The following SCIN variants were observed in gnomAD, a reference collection of about 807,000 sequenced individuals.
The protein encoded by SCIN is scinderin.
In SCIN, 91 loss-of-function variants were observed where a neutral mutation model predicts 91.8. The observed-to-expected ratio is 0.99, with a 90% CI of 0.84 to 1.18. The LOEUF is 1.18. Among genes scored for constraint, SCIN ranks in the 50% most tolerant of loss-of-function variants. The pLI is 0.00. For missense variants in SCIN, 1,087 were observed against 863.9 expected (o/e 1.26, Z -3.24); for synonymous variants, 367 against 312.6 (o/e 1.17, Z -1.84).
intron 3 of SCIN, chr7:12,596,185 C>G: frequency 1.8e-5 from 6 of 333,784 alleles, no homozygotes; most frequent in South Asian, 1.5e-4. Flanking sequence ...TGTGCAGTGC[C>G]CTCCTTACCC....
Position 12,658,825 on chromosome 7 carries a change from G to A in SCIN, c.*6110G>A, listed in dbSNP as rs558525482. ...AGTTGGGCAACTCATGGAATATTAC[G>A]AGTAGAAATTGTAATTACTGTAGAA... On this transcript the variant is annotated 3_prime_UTR_variant, in exon 16 of 16. Coordinates refer to ENST00000297029, the MANE Select transcript of SCIN (RefSeq NM_001112706.3). 4 of 152,198 alleles carry A rather than the reference G, an allele frequency of 2.6e-5. No homozygotes were observed. The highest frequency in any genetic ancestry group is 7.2e-5 in the African/African-American group (3 of 41,438). 9.4% of individuals were successfully genotyped at this position (152,198 alleles called of 1,614,324 possible).
At chr7:12,608,249 A>G (rs1562612089) in intron 4 of SCIN, among the ~76,000 whole-genome samples, 1 of 151,958 alleles carries the variant, frequency 6.6e-6, no homozygotes, top group Non-Finnish European at 1.5e-5. Flanking sequence ...CATTTAGCAA[A>G]TATTTTTCTT....
At chr7:12,612,788 A>G (rs2115260257) in intron 4 of SCIN, among the ~76,000 whole-genome samples, 1 of 152,334 alleles carries the variant, frequency 6.6e-6, no homozygotes, top group East Asian at 1.9e-4. Flanking sequence ...TGTTCTGAAC[A>G]AAGATAAGAA....
chr7:12,601,046 GA>G (rs1261726353), intron 3 of SCIN, among the ~76,000 whole-genome samples: 5 of 152,214 alleles, frequency 3.3e-5, no homozygotes, highest in African/African-American at 1.2e-4. Flanking sequence ...AAATAGGAAA[GA>G]AACACCCTTT....
In SCIN at chr7:12,626,037, C is replaced by G. The variant is rs1783514422; in HGVS notation, c.981+187C>G. 2.9e-5 allele frequency: 16 copies of G among 545,510 alleles called. No homozygotes were observed. In the South Asian group the frequency reaches 4.0e-4, roughly 13 times the overall value. 33.8% of individuals were successfully genotyped at this position (545,510 alleles called of 1,614,324 possible). A position where few individuals can be genotyped will look rare whatever the true frequency, so the allele number is the denominator to read the frequency against. On this transcript the variant is annotated intron_variant, in intron 7 of 15. Transcript: ENST00000297029. ...CGTGGGGGTTAGAATTTTTTAGAAA[C>G]TGCACATCAGACTTTCCATAGAGCT...
At chr7:12,627,091 T>TACACAC (rs10654667) in intron 8 of SCIN, among the ~76,000 whole-genome samples, 179 of 149,240 alleles carry the variant, frequency 1.2e-3, no homozygotes, top group African/African-American at 3.7e-3. Context: ...AATGTGTGTA[T>TACACAC]ACACACACAC....
chr7:12,594,696 A>C (rs1782801425), intron 3 of SCIN, among the ~76,000 whole-genome samples: 1 of 151,942 alleles, frequency 6.6e-6, no homozygotes, highest in Admixed American at 6.6e-5. Flanking sequence ...GGAGGAGGTG[A>C]GGGTAGAGGA....
Position 12,581,164 on chromosome 7 carries a change from T to G in SCIN, c.459T>G (p.Val153=). 6.4e-7 allele frequency: 1 copy of G among 1,551,492 alleles called. No homozygotes were observed. Among genetic ancestry groups the G allele is most frequent in the South Asian group, 1.2e-5 (1 of 84,048 alleles). The change falls in exon 3 of 16, where the codon GTT becomes GTG. Residue 153 remains valine, a synonymous_variant. Transcript: ENST00000297029. ...KGRRVVRATE[V]PLSWDSFNKG... ...GTAGAGTGGTGAGAGCCACAGAAGT[T>G]CCCCTTAGCTGGGACAGTTTCAACA...
rs781700357 is a variant in SCIN, at chr7:12,581,163, T to A, written c.458T>A (p.Val153Asp). ...KGRRVVRATE[V>D]PLSWDSFNKG... is the part of the protein sequence containing the mutation. The stretch of plus-strand genomic sequence containing the variant: ...CGTAGAGTGGTGAGAGCCACAGAAG[T>A]TCCCCTTAGCTGGGACAGTTTCAAC... Residue 153 changes from valine to aspartate, a missense_variant, in exon 3 of 16, where the codon GTT (valine) becomes GAT (aspartate). Coordinates refer to ENST00000297029, the MANE Select transcript of SCIN (RefSeq NM_001112706.3). 160 of 1,551,420 alleles carry A rather than the reference T, an allele frequency of 1.0e-4. No individual in the cohort carries two copies. Among genetic ancestry groups the A allele is most frequent in the Middle Eastern group, 1.7e-4 (1 of 6,000 alleles).
At chr7:12,580,306 A>G (rs980221059) in intron 2 of SCIN, among the ~76,000 whole-genome samples, 1 of 147,030 alleles carries the variant, frequency 6.8e-6, no homozygotes. Context: ...ATGAAAAGGT[A>G]AAAGATCATT....
intron 9 of SCIN, among the ~76,000 whole-genome samples, chr7:12,631,044 C>T (rs111895981): frequency 3.8e-4 from 58 of 152,028 alleles, no homozygotes; most frequent in African/African-American, 1.2e-3. Flanking sequence ...TTACATTAAA[C>T]GAAAAAAGAC....
chr7:12,586,715 G>T (rs770515707), intron 3 of SCIN, among the ~76,000 whole-genome samples: 4 of 152,090 alleles, frequency 2.6e-5, no homozygotes, highest in Non-Finnish European at 5.9e-5. Flanking sequence ...AGAAAATATG[G>T]TATACACACA....
intron 1 of SCIN, among the ~76,000 whole-genome samples, chr7:12,575,872 G>T (rs763096390): frequency 3.3e-5 from 5 of 152,038 alleles, no homozygotes; most frequent in Non-Finnish European, 5.9e-5. Context: ...TCTAATTTTC[G>T]CATCCAAAGG....
intron 14 of SCIN, among the ~76,000 whole-genome samples, chr7:12,650,699 C>CACTT (rs1252326513): frequency 6.6e-6 from 1 of 152,120 alleles, no homozygotes; most frequent in Non-Finnish European, 1.5e-5. Context: ...CCCACCCACA[C>CACTT]ACTTGACAAG....
intron 3 of SCIN, among the ~76,000 whole-genome samples, chr7:12,587,306 C>T (rs1782607375): frequency 6.6e-6 from 1 of 152,074 alleles, no homozygotes; most frequent in South Asian, 2.1e-4. Context: ...CTTTTCCATC[C>T]CTCAGGAGTA....
intron 11 of SCIN, 149 bp downstream of exon 11, chr7:12,640,666 A>T: frequency 1.4e-6 from 1 of 740,620 alleles, no homozygotes; most frequent in South Asian, 3.9e-5. Context: ...AAAAACATTT[A>T]AAGCAGGAGA....
intron 4 of SCIN, among the ~76,000 whole-genome samples, chr7:12,610,516 T>G (rs542067614): frequency 6.6e-6 from 1 of 152,342 alleles, no homozygotes; most frequent in African/African-American, 2.4e-5. Flanking sequence ...CATTGCCCAC[T>G]CGTATTTGGA....
chr7:12,570,889 A>G lies in SCIN; in HGVS notation c.103A>G (p.Ser35Gly). ...EKLELVPVPQ[S>G]AHGDFYVGDA... ...GCTGGAGCTGGTGCCCGTGCCCCAG[A>G]GCGCTCACGGCGACTTCTACGTCGG... Residue 35 changes from serine (S) to glycine (G), a missense_variant, in exon 1 of 16, where the codon AGC (serine) becomes GGC (glycine). By Grantham distance (56) the Ser-to-Gly change is moderately conservative. Coordinates refer to ENST00000297029, the MANE Select transcript of SCIN (RefSeq NM_001112706.3). 2 of 1,551,506 alleles carry G rather than the reference A, an allele frequency of 1.3e-6. No homozygotes were observed. The highest frequency in any genetic ancestry group is 1.7e-6 in the Non-Finnish European group (2 of 1,146,942).
rs1782260392 is a variant in SCIN, at chr7:12,571,103, C to T, written c.199+118C>T. 6 of 1,156,002 alleles carry T rather than the reference C, an allele frequency of 5.2e-6. No individual in the cohort carries two copies. The East Asian group carries it at 1.6e-4, about 30-fold the overall frequency. 71.6% of individuals were successfully genotyped at this position (1,156,002 alleles called of 1,614,324 possible). On this transcript the variant is annotated intron_variant, in intron 1 of 15. Transcript: ENST00000297029. ...GACCGCAAACTGAGCTAGCCACTCG[C>T]GCCCCCACGGGGCTGCCCTTTGGGG...
Sources: gnomAD v4.1 joint callset for allele counts (sites outside exome capture counted in the v4.1 genomes callset) on GRCh38, gnomAD v4.1.1 for gene constraint, MANE v1.5 for transcripts, NCBI Gene and HGNC (gene_info 2026-07-23, HGNC 2026-07-21) for gene names.